NAV2: variants seen among roughly 807,000 people sequenced by gnomAD.
NAV2 encodes the protein helicase, APC down-regulated 1.
Under a neutral mutation model 223.2 loss-of-function variants are expected in NAV2, and 54 were observed. The ratio of observed to expected loss-of-function variants is 0.24; its 90% confidence interval spans 0.19 to 0.30. The LOEUF (loss-of-function observed/expected upper bound fraction) is 0.30, where lower values mean the gene tolerates loss of function less well. NAV2 is among the 10% of genes least tolerant of loss of function. The pLI is 1.00. For missense variants in NAV2, 2,806 were observed against 3,147.5 expected, an observed-to-expected ratio of 0.89 and a Z score of 2.60; for synonymous variants, 1,279 against 1,239.3, an observed-to-expected ratio of 1.03 and a Z score of -0.67.
intron 1 of NAV2, among the ~76,000 whole-genome samples, chr11:19,365,347 C>A (rs1848240155): frequency 6.6e-6 from 1 of 152,202 alleles, no homozygotes; most frequent in Admixed American, 6.5e-5. Flanking sequence ...TGTTTTCCTA[C>A]CCGATACATC....
intron 6 of NAV2, among the ~76,000 whole-genome samples, chr11:19,897,886 TTATATA>T (rs10524489): frequency 1.7e-5 from 2 of 120,658 alleles, no homozygotes; most frequent in African/African-American, 6.7e-5. Context: ...GACCTGTGAT[TTATATA>T]TATATATATA....
At chr11:19,613,544 G>A (rs2046702664) in intron 1 of NAV2, among the ~76,000 whole-genome samples, 1 of 152,138 alleles carries the variant, frequency 6.6e-6, no homozygotes, top group Non-Finnish European at 1.5e-5. Context: ...CTGTTGAAAT[G>A]ATGTCTTGAT....
At position 20,090,791 on chromosome 11, in the gene NAV2, T is replaced by C. The variant is rs1207566853; in HGVS notation, c.5499-74T>C. 3 of 1,495,184 alleles carry C rather than the reference T, an allele frequency of 2.0e-6. No homozygotes were observed. In the African/African-American group the frequency reaches 4.1e-5, roughly 21 times the overall value. 92.6% of individuals were successfully genotyped at this position (1,495,184 alleles called of 1,614,324 possible). A position where few individuals can be genotyped will look rare whatever the true frequency, so the allele number is the denominator to read the frequency against. ...CACAGTTACTGCTAAACAAACCTGA[T>C]GATTGATGTGGACCAGTGTTCAGTA... On this transcript the variant is annotated intron_variant, in intron 26 of 37. Coordinates refer to ENST00000349880, the MANE Select transcript of NAV2 (RefSeq NM_145117.5).
At chr11:19,356,091 A>G (rs2729847) in intron 1 of NAV2, among the ~76,000 whole-genome samples, 55,962 of 152,086 alleles carry the variant, frequency 0.37, 10,333 homozygotes, top group East Asian at 0.5. Flanking sequence ...CTGACAGGTC[A>G]CTGCCTGTAG....
chr11:19,818,365 C>T (rs2152838703), intron 1 of NAV2, among the ~76,000 whole-genome samples: 1 of 147,134 alleles, frequency 6.8e-6, no homozygotes, highest in East Asian at 2.1e-4. Flanking sequence ...GTAAATCCTT[C>T]TACCAAGACT....
intron 6 of NAV2, among the ~76,000 whole-genome samples, chr11:19,901,873 A>G (rs1395030945): frequency 1.3e-5 from 2 of 152,156 alleles, no homozygotes; most frequent in Non-Finnish European, 2.9e-5. Context: ...TGTTTCTGCT[A>G]AGCTAACAGA....
At chr11:19,398,816 C>G (rs1269071565) in intron 1 of NAV2, among the ~76,000 whole-genome samples, 1 of 152,192 alleles carries the variant, frequency 6.6e-6, no homozygotes, top group Non-Finnish European at 1.5e-5. Context: ...CCCCTCCTTC[C>G]CCCCACAGAC....
chr11:19,957,961 AT>A (rs1429654737), intron 10 of NAV2, among the ~76,000 whole-genome samples: 2 of 152,130 alleles, frequency 1.3e-5, no homozygotes, highest in Non-Finnish European at 2.9e-5. Context: ...TTGGGCCTCG[AT>A]TTCTTGGGAA....
chr11:19,815,728 G>C (rs374661426), intron 1 of NAV2, among the ~76,000 whole-genome samples: 26 of 152,312 alleles, frequency 1.7e-4, no homozygotes, highest in African/African-American at 5.8e-4. Context: ...TGCTAACCTT[G>C]TCCAGCTGGT....
intron 25 of NAV2, among the ~76,000 whole-genome samples, chr11:20,081,972 C>CG (rs922199764): frequency 9.9e-5 from 15 of 151,786 alleles, no homozygotes; most frequent in Middle Eastern, 3.4e-3. Context: ...GCAACAGAGG[C>CG]GGGGGGGAAA....
intron 1 of NAV2, among the ~76,000 whole-genome samples, chr11:19,779,375 G>T (rs1410067300): frequency 4.6e-5 from 7 of 152,234 alleles, no homozygotes; most frequent in Non-Finnish European, 1.0e-4. Flanking sequence ...GATATCCTCA[G>T]TGATGAGCCT....
intron 1 of NAV2, among the ~76,000 whole-genome samples, chr11:19,825,432 G>C (rs973238276): frequency 6.6e-6 from 1 of 150,400 alleles, no homozygotes; most frequent in African/African-American, 2.4e-5. Context: ...GATGCTAAAC[G>C]ACTGGTTTAC....
At chr11:19,532,445 A>G (rs2044053239) in intron 1 of NAV2, among the ~76,000 whole-genome samples, 2 of 152,224 alleles carry the variant, frequency 1.3e-5, no homozygotes, top group Admixed American at 1.3e-4. Flanking sequence ...CTGCCCCTAT[A>G]AAATGAAGAG....
intron 1 of NAV2, among the ~76,000 whole-genome samples, chr11:19,681,124 G>T (rs868276244): frequency 6.6e-6 from 1 of 152,204 alleles, no homozygotes; most frequent in Non-Finnish European, 1.5e-5. Context: ...ACTTACTAAT[G>T]AGAGACAGAG....
intron 1 of NAV2, among the ~76,000 whole-genome samples, chr11:19,474,437 A>G (rs1258454092): frequency 2.0e-5 from 3 of 152,250 alleles, no homozygotes; most frequent in Admixed American, 1.3e-4. Flanking sequence ...ATACAATTTT[A>G]TTAGAAAGCA....
At chr11:19,583,186 A>T (rs564434759) in intron 1 of NAV2, among the ~76,000 whole-genome samples, 53 of 152,118 alleles carry the variant, frequency 3.5e-4, no homozygotes, top group African/African-American at 1.3e-3. Context: ...TTTCTCTGTT[A>T]TTGGTGTATA....
At chr11:19,506,456 C>A (rs878581) in intron 1 of NAV2, 44,521 of 152,146 alleles carry the variant, frequency 0.29, 6,679 homozygotes, top group Middle Eastern at 0.35. Context: ...CACTGTGTGA[C>A]CTTGGACAAG....
intron 10 of NAV2, among the ~76,000 whole-genome samples, chr11:19,971,386 T>C (rs1032101679): frequency 1.3e-5 from 2 of 152,152 alleles, no homozygotes; most frequent in African/African-American, 4.8e-5. Flanking sequence ...GTTTTCTTTT[T>C]AGGGGGCAAG....
intron 22 of NAV2, among the ~76,000 whole-genome samples, chr11:20,069,381 C>T (rs1478407381): frequency 2.0e-5 from 3 of 152,106 alleles, no homozygotes; most frequent in Non-Finnish European, 4.4e-5. Context: ...AGCCAGGGGT[C>T]AGATCACAGT....
Sources: allele counts gnomAD v4.1 joint callset (sites outside exome capture counted in the v4.1 genomes callset), GRCh38; gene constraint gnomAD v4.1.1; transcripts MANE v1.5; gene names NCBI Gene and HGNC (gene_info 2026-07-23, HGNC 2026-07-21).